Variants in DNAJC16 observed in about 807,000 individuals in gnomAD.
DNAJC16 encodes the protein DnaJ heat shock protein family (Hsp40) member C16, also known as dnaJ homolog subfamily C member 16.
Under a neutral mutation model 92.7 loss-of-function variants are expected in DNAJC16, and 76 were observed. That is an observed-to-expected ratio of 0.82 (90% CI 0.68 to 0.99). The LOEUF (loss-of-function observed/expected upper bound fraction) is 0.99. Among genes scored for constraint, DNAJC16 ranks in the 50% least tolerant of loss-of-function variants. DNAJC16 has a pLI of 0.00. For missense variants in DNAJC16, 869 were observed against 942.4 expected (o/e 0.92, Z 1.02); for synonymous variants, 328 against 358.7 (o/e 0.91, Z 0.97).
intron 1 of DNAJC16, among the ~76,000 whole-genome samples, chr1:15,527,293 A>T (rs1710539964): frequency 6.6e-6 from 1 of 152,280 alleles, no homozygotes; most frequent in South Asian, 2.1e-4. Context: ...TCTATCTCGC[A>T]TGTCAGCTAA....
At chr1:15,564,631 C>T (rs1638768606) in intron 11 of DNAJC16, among the ~76,000 whole-genome samples, 1 of 151,510 alleles carries the variant, frequency 6.6e-6, no homozygotes, top group Non-Finnish European at 1.5e-5. Flanking sequence ...CAGGTTCAAG[C>T]AATTCTCCTG....
chr1:15,536,078 T>C (rs1209510991), intron 3 of DNAJC16, among the ~76,000 whole-genome samples: 1 of 145,590 alleles, frequency 6.9e-6, no homozygotes, highest in East Asian at 2.0e-4. Flanking sequence ...TTTTCTTTTT[T>C]TTTTTTTTTT....
At chr1:15,555,385 CAAAA>C (rs138122400) in intron 7 of DNAJC16, among the ~76,000 whole-genome samples, 1,245 of 105,844 alleles carry the variant, frequency 0.012, 18 homozygotes, top group African/African-American at 0.039. Flanking sequence ...GACTCCATCT[CAAAA>C]AAAAAAAAAA....
rs1309478778 is a variant in DNAJC16, at chr1:15,566,206, A to G, written c.1778+26A>G. 10 of 1,583,550 alleles carry G rather than the reference A, an allele frequency of 6.3e-6. No homozygotes were observed. In the South Asian group the frequency reaches 1.1e-4, roughly 18 times the overall value. ...GTTTCTCTAACAAAACACCAGACTC[A>G]CCTCCCCGGCACCTGCCCCCCAGAT... On this transcript the variant is annotated intron_variant, in intron 13 of 14. Transcript: ENST00000375847.
At chr1:15,538,732 G>A (rs1463741153) in intron 4 of DNAJC16, among the ~76,000 whole-genome samples, 1 of 152,044 alleles carries the variant, frequency 6.6e-6, no homozygotes, top group Non-Finnish European at 1.5e-5. Flanking sequence ...ACAAAAAAAA[G>A]ACTAATTCCT....
At chr1:15,565,873 A>G (rs1234816517) in intron 11 of DNAJC16, 46 bp from the exon 12 acceptor site, 1 of 1,565,182 alleles carries the variant, frequency 6.4e-7, no homozygotes, top group African/African-American at 1.4e-5. Context: ...TTAGCTGGAG[A>G]GAAGAAATTT....
chr1:15,563,847 C>CA (rs71002909), intron 9 of DNAJC16, 82 bp from the exon 10 acceptor site: 19,617 of 1,098,058 alleles, frequency 0.018, no homozygotes, highest in Non-Finnish European at 0.02. Context: ...AAGACTCCGT[C>CA]AAAAAAAAAA....
In DNAJC16 at chr1:15,564,032, A is replaced by C; in HGVS notation, c.1442A>C (p.Tyr481Ser). Reference sequence around the variant, plus strand: ...AGTGACAAATTTATCCTCTTGGGCTATCTCGACCAGCTGCGTAAAGATCCA... The same window carrying C: ...AGTGACAAATTTATCCTCTTGGGCTCTCTCGACCAGCTGCGTAAAGATCCA... ...SESDKFILLG[Y>S]LDQLRKDPAL... Residue 481 changes from tyrosine to serine, a missense_variant, in exon 10 of 15, where the codon TAT becomes TCT. Tyr to Ser is a moderately radical substitution (Grantham distance 144). Coordinates refer to ENST00000375847, the MANE Select transcript of DNAJC16 (RefSeq NM_015291.4). The C allele has an allele frequency of 6.2e-7, 1 of 1,613,854 alleles. No homozygotes were observed. The highest frequency in any genetic ancestry group is 1.1e-5 in the South Asian group (1 of 91,086).
Position 15,536,462 on chromosome 1 carries a change from TCTTC to T in DNAJC16, c.235-9_235-6del. The T allele has an allele frequency of 6.5e-7, 1 of 1,550,334 alleles. No individual in the cohort carries two copies. On this transcript the variant is annotated splice_polypyrimidine_tract_variant and intron_variant, in intron 3 of 14. Transcript: ENST00000375847. ...CCTTTTGTTGTTGTTTAGATTTTTT[TCTTC>T]CTTTATAGATTCTTTCAAATGAAGA...
At chr1:15,551,799 G>A (rs1638448847) in intron 7 of DNAJC16, among the ~76,000 whole-genome samples, 2 of 151,484 alleles carry the variant, frequency 1.3e-5, no homozygotes, top group Admixed American at 1.3e-4. Flanking sequence ...TTTTTTTGCT[G>A]AGGCAGGCAT....
chr1:15,540,438 G>T (rs1309065920), intron 4 of DNAJC16, among the ~76,000 whole-genome samples: 1 of 152,098 alleles, frequency 6.6e-6, no homozygotes, highest in East Asian at 1.9e-4. Flanking sequence ...AGGCACACAC[G>T]GGCATGCCCA....
In DNAJC16 at chr1:15,559,636, A is replaced by G; in HGVS notation, c.1134A>G (p.Lys378=). The stretch of plus-strand genomic sequence containing the variant: ...TGTTCCATGAACTCTGCCCTGTGAA[A>G]CGGTCGCATCGACAGAGGAAGTAAG... The part of the protein sequence containing the change: ...QKLFHELCPV[K]RSHRQRKYCV... The change falls in exon 8 of 15, where the codon AAA becomes AAG. Residue 378 remains lysine (K), a synonymous_variant. Transcript: ENST00000375847. 1 of 1,614,142 alleles carries G rather than the reference A, an allele frequency of 6.2e-7. No homozygotes were observed. The highest frequency in any genetic ancestry group is 8.5e-7 in the Non-Finnish European group (1 of 1,180,014).
intron 2 of DNAJC16, among the ~76,000 whole-genome samples, chr1:15,531,919 C>T (rs1710670482): frequency 6.6e-6 from 1 of 152,180 alleles, no homozygotes; most frequent in Admixed American, 6.5e-5. Context: ...TGAGCTATAG[C>T]AGGGGGAAGT....
intron 14 of DNAJC16, 100 bp downstream of exon 14, chr1:15,567,369 T>C: frequency 1.6e-6 from 2 of 1,233,500 alleles, no homozygotes; most frequent in Non-Finnish European, 2.3e-6. Context: ...TGGGGCTTCA[T>C]CCATACAGCA....
intron 11 of DNAJC16, among the ~76,000 whole-genome samples, chr1:15,564,781 G>T (rs1464891918): frequency 6.9e-6 from 1 of 144,704 alleles, no homozygotes; most frequent in African/African-American, 2.6e-5. Flanking sequence ...CACCCGCCTC[G>T]GCCTCCCAAA....
chr1:15,548,047 T>C (rs1638351677), intron 6 of DNAJC16, among the ~76,000 whole-genome samples: 1 of 152,148 alleles, frequency 6.6e-6, no homozygotes, highest in South Asian at 2.1e-4. Flanking sequence ...TTATTTTGCT[T>C]TAGCTATGAA....
intron 5 of DNAJC16, among the ~76,000 whole-genome samples, chr1:15,545,338 T>C (rs1184926755): frequency 6.6e-6 from 1 of 152,258 alleles, no homozygotes; most frequent in African/African-American, 2.4e-5. Context: ...TCATTATCTA[T>C]AGGAGAAATA....
In DNAJC16 at chr1:15,569,515, T is replaced by C. The variant is rs1289429751; in HGVS notation, c.*1338T>C. 6.6e-6 allele frequency: 1 copy of C among 152,166 alleles called. No homozygotes were observed. Among genetic ancestry groups the C allele is most frequent in the Non-Finnish European group, 1.5e-5 (1 of 68,032 alleles). The allele number at this position is 152,166 out of a possible 1,614,324, so 9.4% of individuals were successfully genotyped here. A position where few individuals can be genotyped will look rare whatever the true frequency, so the allele number is the denominator to read the frequency against. ...TTTTTCAGGGCAGAATGACCAGTGG[T>C]TCTGAGTTTGAGTTTGGACAGCTTC... is the stretch of plus-strand genomic sequence containing the variant. On this transcript the variant is annotated 3_prime_UTR_variant, in exon 15 of 15. Coordinates refer to ENST00000375847, the MANE Select transcript of DNAJC16 (RefSeq NM_015291.4).
chr1:15,546,919 T>TC (rs202178061), intron 6 of DNAJC16, 48 bp downstream of exon 6: 37 of 1,048,234 alleles, frequency 3.5e-5, no homozygotes, highest in African/African-American at 2.5e-4. Flanking sequence ...TCTTTTCTTT[T>TC]TTTTTTTTTT....
Sources: gnomAD v4.1 joint callset for allele counts (sites outside exome capture counted in the v4.1 genomes callset) on GRCh38, gnomAD v4.1.1 for gene constraint, MANE v1.5 for transcripts, NCBI Gene and HGNC (gene_info 2026-07-23, HGNC 2026-07-21) for gene names.